PLEKHA8: variants seen among roughly 807,000 people sequenced by gnomAD.
PLEKHA8 encodes pleckstrin homology domain-containing family A member 8.
A neutral mutation model predicts 68.2 loss-of-function variants in PLEKHA8; 36 were observed. That is an observed-to-expected ratio of 0.53 (90% CI 0.40 to 0.70). The LOEUF (loss-of-function observed/expected upper bound fraction) is 0.70, where lower values mean the gene tolerates loss of function less well. PLEKHA8 is among the 30% of genes least tolerant of loss of function. The pLI, the probability that PLEKHA8 is intolerant of heterozygous loss-of-function variation, is 0.00. For synonymous variants in PLEKHA8, 211 were observed against 216.1 expected, an observed-to-expected ratio of 0.98 and a Z score of 0.20; for missense variants, 505 against 615.4, an observed-to-expected ratio of 0.82 and a Z score of 1.90.
intron 13 of PLEKHA8, among the ~76,000 whole-genome samples, chr7:30,107,458 C>T (rs1266226967): frequency 1.3e-5 from 2 of 151,942 alleles, no homozygotes; most frequent in Admixed American, 1.3e-4. Context: ...GATTCAACAA[C>T]CTTGACAAAC....
At position 30,047,942 on chromosome 7, in the gene PLEKHA8, G is replaced by T. The variant is rs1359565892; in HGVS notation, c.424G>T (p.Val142Leu). The T allele has an allele frequency of 1.0e-5, 16 of 1,559,248 alleles. No homozygotes were observed. Among genetic ancestry groups the T allele is most frequent in the African/African-American group, 2.8e-5 (2 of 72,536 alleles). Reference protein sequence around the residue: ...DKTKEVTTTGVSNSEEGIDVG... With the variant: ...DKTKEVTTTGLSNSEEGIDVG... ...AACAAAAGAAGTGACCACAACTGGT[G>T]TGTCCAATTCTGAGGTAAAATATTA... Residue 142 changes from valine to leucine, a missense_variant, in exon 4 of 14, where the codon GTG (valine) becomes TTG (leucine). Transcript: ENST00000449726.
Position 30,115,958 on chromosome 7 carries a change from G to C in PLEKHA8, c.1363-13308G>C, listed in dbSNP as rs1274056110. The C allele has an allele frequency of 1.2e-4, 15 of 128,220 alleles. 1 individual carries two copies. The highest frequency in any genetic ancestry group is 4.2e-4 in the African/African-American group (14 of 33,660). 7.9% of individuals were successfully genotyped at this position (128,220 alleles called of 1,614,324 possible). A position where few individuals can be genotyped will look rare whatever the true frequency, so the allele number is the denominator to read the frequency against. Reference sequence around the variant, plus strand: ...TATACATGCACACATACGCATACATGCATGCATACATGTGCATGCATGCAT... The same window carrying C: ...TATACATGCACACATACGCATACATCCATGCATACATGTGCATGCATGCAT... On this transcript the variant is annotated intron_variant, in intron 13 of 13. Transcript: ENST00000396257.
downstream of PLEKHA8, among the ~76,000 whole-genome samples, chr7:30,085,650 C>G (rs1358087085): frequency 1.3e-5 from 2 of 152,142 alleles, no homozygotes; most frequent in African/African-American, 4.8e-5. Flanking sequence ...GGGAATCTTC[C>G]CACTATTGCC....
intron 13 of PLEKHA8, among the ~76,000 whole-genome samples, chr7:30,076,336 A>G (rs1794607446): frequency 6.6e-6 from 1 of 152,178 alleles, no homozygotes; most frequent in Admixed American, 6.6e-5. Flanking sequence ...AACTGCTTCT[A>G]AGTTTAGAAT....
At position 30,080,227 on chromosome 7, in the gene PLEKHA8, A is replaced by G. The variant is rs1794854693; in HGVS notation, c.*1440A>G. 5.1e-6 allele frequency: 5 copies of G among 985,306 alleles called. No homozygotes were observed. The highest frequency in any genetic ancestry group is 1.7e-5 in the African/African-American group (1 of 57,236). The allele number at this position is 985,306 out of a possible 1,614,324, so 61.0% of individuals were successfully genotyped here. ...TTAAGAAACATTGTTTCATAAAACA[A>G]TATTGAGTGGGCATTCTTCTGCACA... On this transcript the variant is annotated 3_prime_UTR_variant, in exon 14 of 14. Transcript: ENST00000449726.
intron 13 of PLEKHA8, among the ~76,000 whole-genome samples, chr7:30,077,369 TTTTGTTATG>T (rs1366433848): frequency 6.6e-6 from 1 of 152,190 alleles, no homozygotes; most frequent in Non-Finnish European, 1.5e-5. Flanking sequence ...GGAGATTTTC[TTTTGTTATG>T]TTTTTGGATA....
At position 30,052,256 on chromosome 7, in the gene PLEKHA8, G is replaced by A. The variant is rs186114565; in HGVS notation, c.639-453G>A. On this transcript the variant is annotated intron_variant, in intron 6 of 13. Coordinates refer to ENST00000449726, the MANE Select transcript of PLEKHA8 (RefSeq NM_001197026.2). ...TGAGGCTGGACTGCTCCCATCACAGGCCTTGGAGGCAGAAGACTGGGAGGT... is the reference window on the plus strand; with the variant it reads ...TGAGGCTGGACTGCTCCCATCACAGACCTTGGAGGCAGAAGACTGGGAGGT... 1.6e-4 allele frequency among the ~76,000 whole-genome samples: 25 copies of A among 152,308 alleles called. No homozygotes were observed. The East Asian group carries it at 4.6e-3, about 28-fold the overall frequency.
In PLEKHA8 at chr7:30,081,475, G is replaced by C. The variant is rs1250543975; in HGVS notation, c.*2688G>C. The C allele has an allele frequency of 3.0e-6, 3 of 985,068 alleles. No individual in the cohort carries two copies. In the African/African-American group the frequency reaches 5.2e-5, roughly 17 times the overall value. 61.0% of individuals were successfully genotyped at this position (985,068 alleles called of 1,614,324 possible). ...TCTAAAGTATTTGCTCTCTGTTTTAGTTAAAGTCATAATTTGCGCTGATGT... is the reference window on the plus strand; with the variant it reads ...TCTAAAGTATTTGCTCTCTGTTTTACTTAAAGTCATAATTTGCGCTGATGT... On this transcript the variant is annotated 3_prime_UTR_variant, in exon 14 of 14. Coordinates refer to ENST00000449726, the MANE Select transcript of PLEKHA8 (RefSeq NM_001197026.2).
downstream of PLEKHA8, among the ~76,000 whole-genome samples, chr7:30,086,512 T>G (rs1795188265): frequency 2.0e-5 from 3 of 152,150 alleles, no homozygotes; most frequent in South Asian, 4.2e-4. Context: ...AAAGAATGTG[T>G]TTGGATGTCT....
intron 13 of PLEKHA8, among the ~76,000 whole-genome samples, chr7:30,116,195 T>C (rs765599291): frequency 6.6e-6 from 1 of 150,844 alleles, no homozygotes; most frequent in Non-Finnish European, 1.5e-5. Context: ...TACGCATACA[T>C]ACACGTATAC....
chr7:30,079,858 A>G lies in PLEKHA8; in HGVS notation c.*1071A>G, dbSNP rs1280046346. On this transcript the variant is annotated 3_prime_UTR_variant, in exon 14 of 14. Coordinates refer to ENST00000449726, the MANE Select transcript of PLEKHA8 (RefSeq NM_001197026.2). ...GAGCAACTAGATTAAATTCTAGTTT[A>G]CAAAATTACCAGTTTTCTTCAAGAA... is the stretch of plus-strand genomic sequence containing the variant. 3 of 964,624 alleles carry G rather than the reference A, an allele frequency of 3.1e-6. No homozygotes were observed. The highest frequency in any genetic ancestry group is 3.7e-6 in the Non-Finnish European group (3 of 811,216). 59.8% of individuals were successfully genotyped at this position (964,624 alleles called of 1,614,324 possible).
intron 1 of PLEKHA8, among the ~76,000 whole-genome samples, chr7:30,032,122 C>T (rs1404737849): frequency 6.6e-6 from 1 of 152,156 alleles, no homozygotes; most frequent in Non-Finnish European, 1.5e-5. Flanking sequence ...GTTACAGATT[C>T]CCACATTGTG....
chr7:30,067,290 C>T (rs1291087813), intron 12 of PLEKHA8, among the ~76,000 whole-genome samples: 2 of 152,150 alleles, frequency 1.3e-5, no homozygotes, highest in Admixed American at 6.5e-5. Context: ...GGCAACATGG[C>T]GAAGCCCTGT....
intron 12 of PLEKHA8, 100 bp downstream of exon 12, chr7:30,062,842 A>T (rs1583413151): frequency 8.2e-6 from 7 of 853,930 alleles, no homozygotes; most frequent in Non-Finnish European, 1.1e-5. Flanking sequence ...GCTTTTCAGA[A>T]TTTGATTTTG....
chr7:30,060,255 A>G (rs2127987447), intron 9 of PLEKHA8, among the ~76,000 whole-genome samples: 1 of 152,310 alleles, frequency 6.6e-6, no homozygotes, highest in South Asian at 2.1e-4. Context: ...CAGCCTGGCC[A>G]ACATGGTGAA....
Position 30,080,267 on chromosome 7 carries a change from C to T in PLEKHA8, c.*1480C>T. The T allele has an allele frequency of 1.0e-6, 1 of 985,384 alleles. No individual in the cohort carries two copies. Among genetic ancestry groups the T allele is most frequent in the Non-Finnish European group, 1.2e-6 (1 of 829,910 alleles). 61.0% of individuals were successfully genotyped at this position (985,384 alleles called of 1,614,324 possible). On this transcript the variant is annotated 3_prime_UTR_variant, in exon 14 of 14. Coordinates refer to ENST00000449726, the MANE Select transcript of PLEKHA8 (RefSeq NM_001197026.2). ...TCTTCTGCACAGTGTGATGCTCCAA[C>T]CCTGGCCCTAGTCTCAGTAGACCAT...
At chr7:30,111,410 G>A (rs1344523176) in intron 13 of PLEKHA8, among the ~76,000 whole-genome samples, 1 of 151,940 alleles carries the variant, frequency 6.6e-6, no homozygotes, top group East Asian at 1.9e-4. Flanking sequence ...TTCCAACTGT[G>A]ATCTTTTTCT....
intron 6 of PLEKHA8, 140 bp from the exon 7 acceptor site, chr7:30,052,569 C>A: frequency 3.1e-6 from 2 of 654,734 alleles, no homozygotes. Context: ...TTGATTGAGC[C>A]CAGAAGATTG....
At chr7:30,033,200 G>C (rs1258211014) in intron 1 of PLEKHA8, among the ~76,000 whole-genome samples, 1 of 152,164 alleles carries the variant, frequency 6.6e-6, no homozygotes, top group South Asian at 2.1e-4. Context: ...GTACAAGTCA[G>C]TGATTTTAGT....
Sources: gnomAD v4.1 joint callset for allele counts (sites outside exome capture counted in the v4.1 genomes callset) on GRCh38, gnomAD v4.1.1 for gene constraint, MANE v1.5 for transcripts, NCBI Gene and HGNC (gene_info 2026-07-23, HGNC 2026-07-21) for gene names.